SOD2: variants seen among roughly 807,000 people sequenced by gnomAD.
SOD2 encodes the protein superoxide dismutase 2.
A neutral mutation model predicts 27.0 loss-of-function variants in SOD2; 11 were observed. That is an observed-to-expected ratio of 0.41 (90% confidence interval 0.26 to 0.67). The LOEUF (loss-of-function observed/expected upper bound fraction) is 0.67. Ranked by LOEUF, SOD2 falls within the 30% of genes least tolerant of loss-of-function variation. SOD2 has a pLI of 0.34. For missense variants in SOD2, 250 were observed against 274.5 expected (o/e 0.91, Z 0.63); for synonymous variants, 105 against 103.0 (o/e 1.02, Z -0.12).
At chr6:159,755,524 G>T in intron 1 of SOD2, 1 of 1,614,204 alleles carries the variant, frequency 6.2e-7, no homozygotes, top group Non-Finnish European at 8.5e-7. Context: ...AGAAAGCAGT[G>T]AGTGGGAAAG....
At chr6:159,702,738 T>C (rs1377044934) in intron 1 of SOD2, among the ~76,000 whole-genome samples, 1 of 136,928 alleles carries the variant, frequency 7.3e-6, no homozygotes, top group Non-Finnish European at 1.6e-5. Context: ...GTAGTCCCAG[T>C]TACTGAGAGG....
At chr6:159,748,083 G>T, upstream of SOD2, 1 of 1,323,220 alleles carries the variant, frequency 7.6e-7, no homozygotes, top group Non-Finnish European at 1.0e-6. This position sits in a 1 kb window ranked among gnomAD's most constrained non-coding sequence, Gnocchi z 5.6. Context: ...AAGAGGGGAG[G>T]AGCTTAATGA....
intron 3 of SOD2, among the ~76,000 whole-genome samples, chr6:159,687,799 G>T (rs1346605351): frequency 2.6e-5 from 4 of 151,962 alleles, no homozygotes; most frequent in African/African-American, 9.7e-5. Flanking sequence ...ATGAGGTCAG[G>T]AGTTCAAGAC....
intron 4 of SOD2, among the ~76,000 whole-genome samples, chr6:159,683,227 T>C (rs933178020): frequency 5.9e-5 from 9 of 152,244 alleles, no homozygotes; most frequent in Admixed American, 2.0e-4. Flanking sequence ...CTCAGGCCTG[T>C]AATCCCAGCA....
chr6:159,685,033 C>G lies in SOD2; in HGVS notation c.344G>C (p.Gly115Ala), dbSNP rs1780118859. ...LSPNGGGEPK[G>A]ELLEAIKRDF... ...ACGTTTGATGGCTTCCAGCAACTCC[C>G]CTATTAAAAAAAAAATCCAAAACCA... Residue 115 changes from glycine to alanine, a missense_variant and splice_region_variant, in exon 4 of 5, where the codon GGG (glycine) becomes GCG (alanine). By Grantham distance (60) the Gly-to-Ala change is moderately conservative (BLOSUM62 0). Transcript: ENST00000538183. 16 of 1,580,072 alleles carry G rather than the reference C, an allele frequency of 1.0e-5. No individual in the cohort carries two copies. In the East Asian group the frequency reaches 3.6e-4, roughly 36 times the overall value.
chr6:159,731,420 A>T (rs890772973), upstream of SOD2, among the ~76,000 whole-genome samples: 1 of 152,130 alleles, frequency 6.6e-6, no homozygotes, highest in Non-Finnish European at 1.5e-5. Flanking sequence ...GTGAGCTGTG[A>T]TCGAGTCACT....
At chr6:159,701,784 A>G (rs1175144522) in intron 1 of SOD2, among the ~76,000 whole-genome samples, 1 of 152,196 alleles carries the variant, frequency 6.6e-6, no homozygotes, top group Non-Finnish European at 1.5e-5. Context: ...ATGGTACCCA[A>G]CATTTCCAGC....
intron 1 of SOD2, among the ~76,000 whole-genome samples, chr6:159,715,513 T>C (rs1273384321): frequency 3.9e-5 from 6 of 152,196 alleles, no homozygotes. Context: ...GAGATTTGAC[T>C]GAAGGTTTGA....
chr6:159,738,249 C>A (rs1371314026), intron 1 of SOD2, among the ~76,000 whole-genome samples: 1 of 152,228 alleles, frequency 6.6e-6, no homozygotes, highest in Non-Finnish European at 1.5e-5. Flanking sequence ...CCGTCCCTCT[C>A]CATGCCTGAC....
chr6:159,704,513 G>A (rs368927172), intron 1 of SOD2, among the ~76,000 whole-genome samples: 3 of 152,340 alleles, frequency 2.0e-5, no homozygotes, highest in Non-Finnish European at 2.9e-5. Flanking sequence ...CACGCCCATG[G>A]AGCCTTGCTC....
Position 159,692,644 on chromosome 6 carries a change from C to T in SOD2, c.226+17G>A, listed in dbSNP as rs758918986. On this transcript the variant is annotated intron_variant, in intron 2 of 4. Transcript: ENST00000538183. ...CTCTGCCGGGGACTGCCTCCCGCCG[C>T]TCAGCCTGGAACCTACCCTTGGCCA... 2 of 1,612,344 alleles carry T rather than the reference C, an allele frequency of 1.2e-6. No individual in the cohort carries two copies. The highest frequency in any genetic ancestry group is 2.7e-5 in the African/African-American group (2 of 75,014).
At chr6:159,746,230 G>A (rs938632850), upstream of SOD2, among the ~76,000 whole-genome samples, 1 of 152,194 alleles carries the variant, frequency 6.6e-6, no homozygotes, top group East Asian at 1.9e-4. Flanking sequence ...TGGGAAGTGA[G>A]AGAAACTAAA....
chr6:159,696,483 C>A (rs1037955161), upstream of SOD2, among the ~76,000 whole-genome samples: 3 of 152,050 alleles, frequency 2.0e-5, no homozygotes, highest in African/African-American at 7.2e-5. Context: ...CCATGCCTGG[C>A]TAATTTTTGT....
At chr6:159,702,052 G>A (rs568626586) in intron 1 of SOD2, among the ~76,000 whole-genome samples, 1 of 152,154 alleles carries the variant, frequency 6.6e-6, no homozygotes, top group Non-Finnish European at 1.5e-5. Flanking sequence ...TCAGTTCAAT[G>A]GTTTATGGGC....
chr6:159,718,932 G>C (rs1431487896), intron 1 of SOD2, among the ~76,000 whole-genome samples: 2 of 151,488 alleles, frequency 1.3e-5, no homozygotes, highest in African/African-American at 2.4e-5. Context: ...GAGCGTCGTG[G>C]ATTAACATTA....
At chr6:159,726,386 G>A (rs756707347) in intron 1 of SOD2, 20 of 159,178 alleles carry the variant, frequency 1.3e-4, no homozygotes, top group Non-Finnish European at 2.4e-4. Context: ...TGATTCACTG[G>A]AAATATACTA....
At chr6:159,684,807 A>G in intron 4 of SOD2, 47 bp downstream of exon 4, 2 of 1,459,260 alleles carry the variant, frequency 1.4e-6, no homozygotes, top group East Asian at 4.6e-5. Context: ...TGAATGCTTT[A>G]CAGTAGAGCA....
Position 159,673,968 on chromosome 6 carries a change from C to T in SOD2, c.*8525G>A, listed in dbSNP as rs1779723334. The T allele has an allele frequency of 1.3e-5, 2 of 152,142 alleles. No individual in the cohort carries two copies. The highest frequency in any genetic ancestry group is 4.1e-4 in the South Asian group (2 of 4,830). 9.4% of individuals were successfully genotyped at this position (152,142 alleles called of 1,614,324 possible). On this transcript the variant is annotated 3_prime_UTR_variant, in exon 5 of 5. Coordinates refer to ENST00000538183, the MANE Select transcript of SOD2 (RefSeq NM_000636.4). ...AGTACACAGAGAATACTATAAACACCTCTATGCAAATAAACTAGAAAATCT... is the reference window on the plus strand; with the variant it reads ...AGTACACAGAGAATACTATAAACACTTCTATGCAAATAAACTAGAAAATCT...
At chr6:159,746,462 A>T (rs142068671), upstream of SOD2, among the ~76,000 whole-genome samples, 179 of 152,272 alleles carry the variant, frequency 1.2e-3, 2 homozygotes, top group African/African-American at 3.9e-3. Flanking sequence ...TAAAATATAC[A>T]TCCTTAGGAA....
Sources: gnomAD v4.1 joint callset for allele counts (sites outside exome capture counted in the v4.1 genomes callset) on GRCh38, gnomAD v4.1.1 for gene constraint, Gnocchi (gnomAD v3.1) non-coding constraint, MANE v1.5 for transcripts, NCBI Gene and HGNC (gene_info 2026-07-23, HGNC 2026-07-21) for gene names.